Variants in SAMD3 observed in about 807,000 individuals in gnomAD.
SAMD3 encodes sterile alpha motif domain containing 3, also known as sterile alpha motif domain-containing protein 3.
SAMD3 carries 63 observed loss-of-function variants against 58.5 expected under a neutral mutation model. That is an observed-to-expected ratio of 1.08 (90% confidence interval 0.88 to 1.33). The LOEUF is 1.33. SAMD3 is among the 40% of genes most tolerant of loss of function. SAMD3 has a pLI of 0.00. For synonymous variants in SAMD3, 220 were observed against 210.3 expected, an observed-to-expected ratio of 1.05 and a Z score of -0.40; for missense variants, 604 against 608.4, an observed-to-expected ratio of 0.99 and a Z score of 0.08.
intron 1 of SAMD3, among the ~76,000 whole-genome samples, chr6:130,219,000 A>G (rs962658807): frequency 2.6e-5 from 4 of 152,174 alleles, no homozygotes; most frequent in Admixed American, 6.5e-5. Flanking sequence ...ATGCTTTGGA[A>G]AGATTATTTA....
intron 2 of SAMD3, among the ~76,000 whole-genome samples, chr6:130,296,416 C>A (rs1775572072): frequency 6.6e-6 from 1 of 152,078 alleles, no homozygotes; most frequent in Non-Finnish European, 1.5e-5. Flanking sequence ...CCTACAAAAG[C>A]CCCCTCATGA....
At chr6:130,298,982 GAGAA>G (rs1337243303) in intron 2 of SAMD3, among the ~76,000 whole-genome samples, 1 of 152,118 alleles carries the variant, frequency 6.6e-6, no homozygotes, top group African/African-American at 2.4e-5. Flanking sequence ...TAGACCTAAA[GAGAA>G]AGATAGACAG....
chr6:130,221,633 T>C (rs1479787188), intron 1 of SAMD3: 3 of 152,158 alleles, frequency 2.0e-5, no homozygotes, highest in East Asian at 1.9e-4. Context: ...TTACTATTTA[T>C]TACATGGAAG....
At chr6:130,304,707 A>T (rs960244642) in intron 2 of SAMD3, among the ~76,000 whole-genome samples, 1 of 152,164 alleles carries the variant, frequency 6.6e-6, no homozygotes, top group African/African-American at 2.4e-5. Context: ...AAAAAAAATT[A>T]TGCCGAAATT....
chr6:130,338,830 G>T (rs896323756), intron 1 of SAMD3, among the ~76,000 whole-genome samples: 1 of 152,158 alleles, frequency 6.6e-6, no homozygotes, highest in Non-Finnish European at 1.5e-5. Context: ...ACTTGCTTTT[G>T]ATTTTACAGG....
chr6:130,215,964 T>G, intron 2 of SAMD3: 1 of 753,686 alleles, frequency 1.3e-6, no homozygotes, highest in Non-Finnish European at 2.1e-6. Context: ...AGAACTTTTT[T>G]GGACACTGTT....
At chr6:130,183,367 A>G (rs1792582919) in intron 7 of SAMD3, 2 of 449,948 alleles carry the variant, frequency 4.4e-6, no homozygotes, top group Non-Finnish European at 8.9e-6. Context: ...AAAAAAAAAG[A>G]ACTGCTGCCC....
At chr6:130,290,313 C>A (rs1428053714) in intron 2 of SAMD3, among the ~76,000 whole-genome samples, 3 of 152,124 alleles carry the variant, frequency 2.0e-5, no homozygotes, top group Non-Finnish European at 4.4e-5. Context: ...CACTTGCCGG[C>A]TGGAAATTTA....
At chr6:130,230,533 GC>G (rs996590004) in intron 2 of SAMD3, among the ~76,000 whole-genome samples, 2 of 152,026 alleles carry the variant, frequency 1.3e-5, no homozygotes, top group African/African-American at 2.4e-5. Context: ...GATTACAGGT[GC>G]CCGCCACCAT....
At position 130,212,185 on chromosome 6, in the gene SAMD3, C is replaced by T. The variant is rs144304292; in HGVS notation, c.269+2152G>A. Among the ~76,000 whole-genome samples, 1,061 of 152,114 alleles carry T rather than the reference C, an allele frequency of 7.0e-3. 12 individuals carry two copies. The highest frequency in any genetic ancestry group is 0.02 in the Middle Eastern group (6 of 294). ...TCATGCCTCTTTCTACTATCATTCT[C>T]ACTTGATGATTGTCAAGTGACAACA... On this transcript the variant is annotated intron_variant, in intron 4 of 11. Coordinates refer to ENST00000439090, the MANE Select transcript of SAMD3 (RefSeq NM_001017373.4).
chr6:130,215,611 T>C (rs962152965), intron 2 of SAMD3: 55 of 1,390,040 alleles, frequency 4.0e-5, no homozygotes, highest in South Asian at 1.3e-4. Flanking sequence ...TACCCAATCC[T>C]GTACCATTAA....
intron 7 of SAMD3, among the ~76,000 whole-genome samples, chr6:130,179,050 C>T (rs6907988): frequency 0.8 from 121,909 of 152,162 alleles, 49,462 homozygotes; most frequent in East Asian, 0.98. Flanking sequence ...CCATATGTTT[C>T]CTGTAGCTCT....
chr6:130,161,308 T>A (rs144304516), intron 8 of SAMD3: 1 of 152,222 alleles, frequency 6.6e-6, no homozygotes, highest in Non-Finnish European at 1.5e-5. Context: ...ACATTTTAAT[T>A]TTTTAAAGTA....
intron 2 of SAMD3, among the ~76,000 whole-genome samples, chr6:130,249,470 T>C (rs999620521): frequency 6.6e-6 from 1 of 152,232 alleles, no homozygotes; most frequent in South Asian, 2.1e-4. Flanking sequence ...GAGTGCTGGC[T>C]AGAGTTTTAA....
chr6:130,228,301 CAGAGG>C (rs778055283), intron 2 of SAMD3, among the ~76,000 whole-genome samples: 9 of 152,176 alleles, frequency 5.9e-5, no homozygotes, highest in Non-Finnish European at 1.2e-4. Context: ...TCCAGGTGTC[CAGAGG>C]CTTCAAGCAG....
At chr6:130,164,615 T>A (rs779476670) in intron 8 of SAMD3, among the ~76,000 whole-genome samples, 3 of 152,090 alleles carry the variant, frequency 2.0e-5, no homozygotes, top group Non-Finnish European at 4.4e-5. Context: ...CCGCACCTGA[T>A]AACCCCCACA....
intron 2 of SAMD3, among the ~76,000 whole-genome samples, chr6:130,228,926 C>A (rs1374315369): frequency 6.6e-6 from 1 of 152,200 alleles, no homozygotes; most frequent in African/African-American, 2.4e-5. Context: ...TACATTATTA[C>A]AGGTGTTTCT....
intron 5 of SAMD3, among the ~76,000 whole-genome samples, chr6:130,192,824 C>T (rs1793683255): frequency 6.6e-6 from 1 of 152,222 alleles, no homozygotes. Context: ...TTCAGACCAA[C>T]CAGCCCAAGA....
chr6:130,204,709 C>T (rs990208237), intron 5 of SAMD3, among the ~76,000 whole-genome samples: 2 of 151,456 alleles, frequency 1.3e-5, no homozygotes, highest in African/African-American at 4.9e-5. Context: ...ACACACACCT[C>T]ATTTTCACTA....
Sources: gnomAD v4.1 joint callset for allele counts (sites outside exome capture counted in the v4.1 genomes callset) on GRCh38, gnomAD v4.1.1 for gene constraint, MANE v1.5 for transcripts, NCBI Gene and HGNC (gene_info 2026-07-23, HGNC 2026-07-21) for gene names.